Variants in APELA observed in about 807,000 individuals in gnomAD.
APELA encodes protein Elabela.
rs1238238301 is a variant in APELA at position 164,896,331 on chromosome 4, A to G, written c.*917A>G. On this transcript the variant is annotated 3_prime_UTR_variant, in exon 3 of 3. Coordinates refer to ENST00000507152, the MANE Select transcript of APELA (RefSeq NM_001297550.2). The stretch of plus-strand genomic sequence containing the variant: ...AGGCTGGTCTTGAACTCAGGCTGGA[A>G]CCATTCATTTTTTAACCTTTCTCAT... The G allele has an allele frequency of 6.6e-6, 1 of 152,130 alleles. No individual in the cohort carries two copies. Among genetic ancestry groups the G allele is most frequent in the Non-Finnish European group, 1.5e-5 (1 of 68,022 alleles). The allele number at this position is 152,130 out of a possible 1,614,324, so 9.4% of individuals were successfully genotyped here.
At chr4:164,889,696 C>T (rs1281456087) in intron 2 of APELA, among the ~76,000 whole-genome samples, 1 of 152,164 alleles carries the variant, frequency 6.6e-6, no homozygotes, top group Admixed American at 6.6e-5. Context: ...TTGAATGACA[C>T]TGTAGTCCAG....
At position 164,877,249 on chromosome 4, in the gene APELA, A is replaced by AGCC. The variant is rs2111045226; in HGVS notation, c.-82_-80dup. 1 of 397,766 alleles carries AGCC rather than the reference A, an allele frequency of 2.5e-6. No homozygotes were observed. Among genetic ancestry groups the AGCC allele is most frequent in the South Asian group, 1.3e-4 (1 of 7,734 alleles). The allele number at this position is 397,766 out of a possible 1,614,324, so 24.6% of individuals were successfully genotyped here. On this transcript the variant is annotated 5_prime_UTR_variant, in exon 1 of 3. Coordinates refer to ENST00000507152, the MANE Select transcript of APELA (RefSeq NM_001297550.2). ...AGGTTTGTCACTAGAATGTGAAGACAGCCACACAGATATTGCACAGACTAT... is the reference window on the plus strand; with the variant it reads ...AGGTTTGTCACTAGAATGTGAAGACAGCCGCCACACAGATATTGCACAGACTAT...
At chr4:164,879,396 A>G (rs1377322153) in intron 2 of APELA, 1 of 157,762 alleles carries the variant, frequency 6.3e-6, no homozygotes, top group African/African-American at 2.4e-5. Context: ...TACCATCAAT[A>G]CTTCGGGGTT....
chr4:164,882,494 G>A (rs550167566), intron 2 of APELA, among the ~76,000 whole-genome samples: 21 of 152,164 alleles, frequency 1.4e-4, no homozygotes, highest in African/African-American at 4.1e-4. Context: ...AAAAGTACAA[G>A]TTCCCCATCC....
downstream of APELA, among the ~76,000 whole-genome samples, chr4:164,897,901 C>A (rs1223049615): frequency 6.6e-6 from 1 of 152,072 alleles, no homozygotes; most frequent in Non-Finnish European, 1.5e-5. Context: ...TTTTAATTAT[C>A]TTTCTTGGAG....
chr4:164,896,985 G>C lies in APELA; in HGVS notation c.*1571G>C, dbSNP rs1429621778. ...AGATGGAGTATCGCCATGTTGCCCA[G>C]GTTGGTCTCAAACTCAGGCTGGTGA... On this transcript the variant is annotated 3_prime_UTR_variant, in exon 3 of 3. Coordinates refer to ENST00000507152, the MANE Select transcript of APELA (RefSeq NM_001297550.2). The C allele has an allele frequency of 6.6e-6, 1 of 152,070 alleles. No individual in the cohort carries two copies. Among genetic ancestry groups the C allele is most frequent in the Admixed American group, 6.6e-5 (1 of 15,260 alleles). 9.4% of individuals were successfully genotyped at this position (152,070 alleles called of 1,614,324 possible).
rs1730571276 is a variant in APELA, at chr4:164,877,226, G to C, written c.-106G>C. 5.0e-6 allele frequency: 2 copies of C among 396,276 alleles called. No homozygotes were observed. Among genetic ancestry groups the C allele is most frequent in the Non-Finnish European group, 4.5e-6 (1 of 224,604 alleles). The allele number at this position is 396,276 out of a possible 1,614,324, so 24.5% of individuals were successfully genotyped here. On this transcript the variant is annotated 5_prime_UTR_variant, in exon 1 of 3. Transcript: ENST00000507152. ...AAAACACAGCTGGCAGTTCTCTGAG[G>C]TTTGTCACTAGAATGTGAAGACAGC...
At position 164,883,258 on chromosome 4, in the gene APELA, T is replaced by A. The variant is rs146535628; in HGVS notation, c.*1+4249T>A. ...CATCTCCAACTTTAGCTGGGCTCTC[T>A]GGGAAGAACTCTTCTGCACTTCATA... On this transcript the variant is annotated intron_variant, in intron 2 of 2. Coordinates refer to ENST00000507152, the MANE Select transcript of APELA (RefSeq NM_001297550.2). Among the ~76,000 whole-genome samples the A allele has an allele frequency of 8.8e-3, 1,338 of 152,288 alleles. 19 individuals carry two copies. Among genetic ancestry groups the A allele is most frequent in the African/African-American group, 0.03 (1,261 of 41,556 alleles).
At chr4:164,895,011 A>G (rs2111071386) in intron 2 of APELA, among the ~76,000 whole-genome samples, 1 of 152,310 alleles carries the variant, frequency 6.6e-6, no homozygotes, top group East Asian at 1.9e-4. Context: ...AGCAGCCTTC[A>G]TGTCTTCAGG....
chr4:164,887,511 C>T (rs1031557286), intron 2 of APELA, among the ~76,000 whole-genome samples: 3 of 152,146 alleles, frequency 2.0e-5, no homozygotes, highest in Non-Finnish European at 4.4e-5. Flanking sequence ...TCAATGCTCT[C>T]ATGATTTTTC....
At chr4:164,894,992 G>A (rs980032240) in intron 2 of APELA, among the ~76,000 whole-genome samples, 4 of 152,194 alleles carry the variant, frequency 2.6e-5, no homozygotes, top group African/African-American at 9.7e-5. Context: ...TTCCAGAAAT[G>A]AAGCAAGAAG....
chr4:164,886,516 G>A (rs1730773082), intron 2 of APELA, among the ~76,000 whole-genome samples: 1 of 151,906 alleles, frequency 6.6e-6, no homozygotes, highest in Admixed American at 6.6e-5. Context: ...GCATGATGGT[G>A]TATACCTATA....
chr4:164,882,898 C>G (rs1035089217), intron 2 of APELA, among the ~76,000 whole-genome samples: 7 of 152,132 alleles, frequency 4.6e-5, no homozygotes, highest in Non-Finnish European at 7.3e-5. Flanking sequence ...CAGCTTCATC[C>G]ATGTCCCTAC....
At chr4:164,888,133 C>T (rs1730814078) in intron 2 of APELA, among the ~76,000 whole-genome samples, 1 of 152,110 alleles carries the variant, frequency 6.6e-6, no homozygotes, top group Non-Finnish European at 1.5e-5. Context: ...CTGTTTTATC[C>T]ATTCCTTTAG....
chr4:164,877,523 T>C (rs1051276694), intron 1 of APELA, 116 bp downstream of exon 1: 5 of 397,196 alleles, frequency 1.3e-5, no homozygotes, highest in Non-Finnish European at 1.8e-5. Context: ...GTTAGTAGTA[T>C]TGGGGATAAA....
intron 2 of APELA, among the ~76,000 whole-genome samples, chr4:164,887,075 AC>A (rs1458017967): frequency 6.6e-6 from 1 of 152,006 alleles, no homozygotes; most frequent in Non-Finnish European, 1.5e-5. Flanking sequence ...TGATCTTCCC[AC>A]CTCAGCCTCA....
chr4:164,897,191 A>T lies in APELA; in HGVS notation c.*1777A>T, dbSNP rs753181574. 1.8e-4 allele frequency: 28 copies of T among 152,216 alleles called. No individual in the cohort carries two copies. Among genetic ancestry groups the T allele is most frequent in the Non-Finnish European group, 3.5e-4 (24 of 68,044 alleles). The allele number at this position is 152,216 out of a possible 1,614,324, so 9.4% of individuals were successfully genotyped here. ...TGGGGTTAATATAAATGTAATTTTA[A>T]ATAGAAAATCTGACAACACTGTCGA... On this transcript the variant is annotated 3_prime_UTR_variant, in exon 3 of 3. Transcript: ENST00000507152.
At chr4:164,893,414 T>C (rs1351045042) in intron 2 of APELA, among the ~76,000 whole-genome samples, 1 of 152,142 alleles carries the variant, frequency 6.6e-6, no homozygotes, top group Non-Finnish European at 1.5e-5. Flanking sequence ...TTGTTATTGA[T>C]TTCTAATTTG....
In APELA at chr4:164,877,293, A is replaced by G. The variant is rs2111045280; in HGVS notation, c.-39A>G. Reference sequence around the variant, plus strand: ...AGACTATTTACAGATCGTTTGGTTTACATTGAGAGTCATTGCTCTACTTTT... The same window carrying G: ...AGACTATTTACAGATCGTTTGGTTTGCATTGAGAGTCATTGCTCTACTTTT... On this transcript the variant is annotated 5_prime_UTR_variant, in exon 1 of 3. Transcript: ENST00000507152. 2.5e-6 allele frequency: 1 copy of G among 398,956 alleles called. No homozygotes were observed. Among genetic ancestry groups the G allele is most frequent in the Non-Finnish European group, 4.4e-6 (1 of 225,958 alleles). 24.7% of individuals were successfully genotyped at this position (398,956 alleles called of 1,614,324 possible).
Sources: gnomAD v4.1 joint callset for allele counts (sites outside exome capture counted in the v4.1 genomes callset) on GRCh38, gnomAD v4.1.1 for gene constraint, MANE v1.5 for transcripts, NCBI Gene and HGNC (gene_info 2026-07-23, HGNC 2026-07-21) for gene names.